The following FGF13 variants were observed in gnomAD, a reference collection of about 807,000 sequenced individuals.
FGF13 encodes the protein fibroblast growth factor 13.
A neutral mutation model predicts 19.5 loss-of-function variants in FGF13; 2 were observed. That is an observed-to-expected ratio of 0.10 (90% CI 0.04 to 0.32). The LOEUF (loss-of-function observed/expected upper bound fraction) is 0.32. Ranked by LOEUF, FGF13 falls within the 10% of genes least tolerant of loss-of-function variation. The probability of loss-of-function intolerance (pLI) is 1.00; values close to 1 mark genes in which losing one functional copy is unlikely to be tolerated. For missense variants in FGF13, 113 were observed against 192.7 expected (o/e 0.59, Z 2.45); for synonymous variants, 72 against 76.9 (o/e 0.94, Z 0.33).
chrX:138,843,774 A>G (rs1013475019), intron 3 of FGF13, among the ~76,000 whole-genome samples: 6 of 111,787 alleles, frequency 5.4e-5, no homozygotes, highest in African/African-American at 1.9e-4. Context: ...ATGAAAAATG[A>G]ATTCATTTAA....
intron 1 of FGF13, among the ~76,000 whole-genome samples, chrX:138,994,152 A>C (rs2092031393): frequency 8.9e-6 from 1 of 111,790 alleles, no homozygotes; most frequent in African/African-American, 3.3e-5. Context: ...TTTATTTCTC[A>C]TAGTCTGGAG....
intron 1 of FGF13, among the ~76,000 whole-genome samples, chrX:139,169,036 T>A (rs926527296): frequency 8.9e-6 from 1 of 112,124 alleles, no homozygotes; most frequent in African/African-American, 3.2e-5. Context: ...TACCAGGCAC[T>A]GTGTTAAGCA....
intron 1 of FGF13, among the ~76,000 whole-genome samples, chrX:139,082,531 G>A (rs1034184610): frequency 6.3e-5 from 7 of 111,595 alleles, no homozygotes; most frequent in African/African-American, 1.6e-4. Context: ...AGAGGAGGAC[G>A]TACAGGCACA....
At chrX:138,728,659 C>T (rs2090203929) in intron 1 of FGF13, among the ~76,000 whole-genome samples, 1 of 110,568 alleles carries the variant, frequency 9.0e-6, no homozygotes. Context: ...GAGAGACCTC[C>T]TCTCCCAGTC....
At chrX:139,179,652 G>A (rs751756912) in intron 1 of FGF13, among the ~76,000 whole-genome samples, 7 of 112,336 alleles carry the variant, frequency 6.2e-5, no homozygotes, top group Non-Finnish European at 1.3e-4. Flanking sequence ...AACCTCACAA[G>A]ATTGCTATGA....
intron 3 of FGF13, among the ~76,000 whole-genome samples, chrX:138,679,572 T>C (rs1385888357): frequency 8.9e-6 from 1 of 112,318 alleles, no homozygotes; most frequent in Non-Finnish European, 1.9e-5. Context: ...TCCCAGTGCA[T>C]TTAAAAAGTA....
At chrX:138,937,273 G>A (rs2091735784) in intron 1 of FGF13, among the ~76,000 whole-genome samples, 1 of 111,355 alleles carries the variant, frequency 9.0e-6, no homozygotes, top group African/African-American at 3.3e-5. Context: ...ATATCATGGG[G>A]CGAGATGGCA....
intron 3 of FGF13, among the ~76,000 whole-genome samples, chrX:138,799,039 T>A (rs2090804899): frequency 8.9e-6 from 1 of 111,766 alleles, no homozygotes; most frequent in Admixed American, 9.5e-5. Flanking sequence ...TTTTGAAGGG[T>A]TTTTTGTGTC....
chrX:139,183,463 A>C (rs975428465), intron 1 of FGF13, among the ~76,000 whole-genome samples: 5 of 111,967 alleles, frequency 4.5e-5, no homozygotes, highest in African/African-American at 1.6e-4. Context: ...TCATGTGGGC[A>C]GATGCCCCAT....
intron 1 of FGF13, among the ~76,000 whole-genome samples, chrX:138,716,918 T>G (rs2090109244): frequency 1.8e-5 from 2 of 112,206 alleles, no homozygotes; most frequent in Admixed American, 9.4e-5. Flanking sequence ...GTTTCTGAGA[T>G]CATTCTCTAA....
At chrX:138,978,404 A>T (rs1246299447) in intron 1 of FGF13, among the ~76,000 whole-genome samples, 1 of 108,923 alleles carries the variant, frequency 9.2e-6, no homozygotes, top group East Asian at 2.9e-4. Flanking sequence ...CTGGGATCAC[A>T]GGCGCCCTCC....
intron 1 of FGF13, among the ~76,000 whole-genome samples, chrX:139,050,855 T>C (rs1292874216): frequency 1.8e-5 from 2 of 112,114 alleles, no homozygotes; most frequent in Non-Finnish European, 3.8e-5. Context: ...TATATGTGTA[T>C]AAAAAATTGA....
intron 1 of FGF13, among the ~76,000 whole-genome samples, chrX:139,055,718 G>A (rs968398205): frequency 6.2e-5 from 7 of 112,643 alleles, no homozygotes; most frequent in Non-Finnish European, 9.4e-5. Context: ...TTTGTAAACT[G>A]CTGATTCCTT....
chrX:138,929,267 C>G (rs772047363), intron 1 of FGF13, among the ~76,000 whole-genome samples: 1,086 of 59,560 alleles, frequency 0.018, 10 homozygotes, highest in African/African-American at 0.029. Flanking sequence ...GTGTGTGTGT[C>G]TCTCTGTGTG....
At chrX:139,116,213 A>G (rs1024883733) in intron 1 of FGF13, among the ~76,000 whole-genome samples, 3 of 112,559 alleles carry the variant, frequency 2.7e-5, no homozygotes, top group African/African-American at 9.7e-5. Context: ...AATCTTACCA[A>G]GAAATATACA....
intron 1 of FGF13, among the ~76,000 whole-genome samples, chrX:139,096,516 A>C (rs2083471590): frequency 8.9e-6 from 1 of 112,053 alleles, no homozygotes; most frequent in Non-Finnish European, 1.9e-5. Flanking sequence ...TTGTAAATGG[A>C]AAGCTAGGCT....
chrX:138,906,280 G>A (rs2091558173), intron 1 of FGF13, among the ~76,000 whole-genome samples: 1 of 112,035 alleles, frequency 8.9e-6, no homozygotes, highest in South Asian at 3.8e-4. Context: ...GTTACTGTGA[G>A]GATTAAGTGA....
At chrX:138,932,580 C>T (rs949307273) in intron 1 of FGF13, among the ~76,000 whole-genome samples, 1 of 109,885 alleles carries the variant, frequency 9.1e-6, no homozygotes, top group African/African-American at 3.3e-5. Context: ...CCAGCTTGGG[C>T]GACAGAGACC....
At chrX:138,845,490 A>T (rs1316353471) in intron 3 of FGF13, among the ~76,000 whole-genome samples, 1 of 111,896 alleles carries the variant, frequency 8.9e-6, no homozygotes, top group Non-Finnish European at 1.9e-5. Context: ...CTTACTGTTG[A>T]CAGACACTGT....
Sources: gnomAD v4.1 joint callset for allele counts (sites outside exome capture counted in the v4.1 genomes callset) on GRCh38, gnomAD v4.1.1 for gene constraint, MANE v1.5 for transcripts, NCBI Gene and HGNC (gene_info 2026-07-23, HGNC 2026-07-21) for gene names.